Variants in HLCS observed in about 807,000 individuals in gnomAD.
The protein encoded by HLCS is holocarboxylase synthetase, also known as biotin--protein ligase.
A neutral mutation model predicts 75.0 loss-of-function variants in HLCS; 53 were observed. That is an observed-to-expected ratio of 0.71 (90% CI 0.57 to 0.89). The LOEUF (loss-of-function observed/expected upper bound fraction) is 0.89. Among genes scored for constraint, HLCS ranks in the 40% least tolerant of loss-of-function variants. The pLI is 0.00. For synonymous variants in HLCS, 431 were observed against 428.6 expected, an observed-to-expected ratio of 1.01 and a Z score of -0.07; for missense variants, 966 against 1,074.0, an observed-to-expected ratio of 0.90 and a Z score of 1.41.
At position 36,868,274 on chromosome 21, in the gene HLCS, G is replaced by GGAAA. The variant is rs140104266; in HGVS notation, c.1892+28582_1892+28585dup. 2.8e-3 allele frequency among the ~76,000 whole-genome samples: 385 copies of GGAAA among 135,452 alleles called. 4 individuals are homozygous for GGAAA. Among genetic ancestry groups the GGAAA allele is most frequent in the Middle Eastern group, 7.1e-3 (2 of 282 alleles). The allele number at this position is 135,452 out of a possible 152,430, so 88.9% of individuals were successfully genotyped here. A position where few individuals can be genotyped will look rare whatever the true frequency, so the allele number is the denominator to read the frequency against. ...AAGAAAGAGAGAAGGAAGGAAGGAA[G>GGAAA]GAAAGAAAGAAAGAAAGAAAAAGAA... On this transcript the variant is annotated intron_variant, in intron 6 of 10. Coordinates refer to ENST00000674895, the MANE Select transcript of HLCS (RefSeq NM_001352514.2).
intron 6 of HLCS, among the ~76,000 whole-genome samples, chr21:36,829,196 T>C (rs1227745580): frequency 2.0e-5 from 3 of 152,238 alleles, no homozygotes; most frequent in Admixed American, 2.0e-4. Flanking sequence ...AAACTCCAAA[T>C]AGCGTACTTC....
chr21:36,757,822 C>T (rs1201678365), intron 9 of HLCS, among the ~76,000 whole-genome samples: 1 of 152,210 alleles, frequency 6.6e-6, no homozygotes, highest in Non-Finnish European at 1.5e-5. Context: ...TCATTCAATA[C>T]ATACAGGATC....
intron 6 of HLCS, among the ~76,000 whole-genome samples, chr21:36,767,958 C>T (rs1185701837): frequency 6.6e-6 from 1 of 152,032 alleles, no homozygotes; most frequent in Non-Finnish European, 1.5e-5. Context: ...GCATTACATC[C>T]CCACCAAATG....
intron 6 of HLCS, among the ~76,000 whole-genome samples, chr21:36,829,177 A>T (rs1322102271): frequency 6.6e-6 from 1 of 152,200 alleles, no homozygotes. Flanking sequence ...GTTCTACTGG[A>T]TTCCTGTGAA....
chr21:36,919,166 T>C (rs1038184246), intron 5 of HLCS, among the ~76,000 whole-genome samples: 1 of 152,194 alleles, frequency 6.6e-6, no homozygotes, highest in African/African-American at 2.4e-5. Context: ...GAAATAAGAT[T>C]GGCCATAAAT....
In HLCS at chr21:36,847,653, C is replaced by G. The variant is rs146307305; in HGVS notation, c.1892+49207G>C. ...TCCAAAGAGTTGGGCTATCACTAAGCTAGAAAGAGAAAAACAGCAGAAAGA... is the reference window on the plus strand; with the variant it reads ...TCCAAAGAGTTGGGCTATCACTAAGGTAGAAAGAGAAAAACAGCAGAAAGA... On this transcript the variant is annotated intron_variant, in intron 6 of 10. Coordinates refer to ENST00000674895, the MANE Select transcript of HLCS (RefSeq NM_001352514.2). Among the ~76,000 whole-genome samples the G allele has an allele frequency of 4.0e-3, 602 of 152,264 alleles. 2 individuals carry two copies. The highest frequency in any genetic ancestry group is 0.013 in the African/African-American group (554 of 41,554).
intron 2 of HLCS, among the ~76,000 whole-genome samples, chr21:36,958,541 C>T (rs756669579): frequency 3.3e-4 from 51 of 152,324 alleles, no homozygotes; most frequent in Non-Finnish European, 5.4e-4. Context: ...GTAATCCTAG[C>T]ACTTTGGGAG....
At chr21:36,938,733 G>T in intron 3 of HLCS, 99 bp downstream of exon 3, 1 of 1,232,568 alleles carries the variant, frequency 8.1e-7, no homozygotes, top group Non-Finnish European at 1.2e-6. Context: ...GAACTCCTGG[G>T]CTCCAAGCGA....
intron 6 of HLCS, among the ~76,000 whole-genome samples, chr21:36,793,428 A>G (rs1407757347): frequency 1.3e-5 from 2 of 151,362 alleles, no homozygotes; most frequent in African/African-American, 4.9e-5. Flanking sequence ...CAGCCTCCCA[A>G]GTAGCTGGGA....
At chr21:36,872,944 G>A (rs962521452) in intron 6 of HLCS, among the ~76,000 whole-genome samples, 4 of 151,954 alleles carry the variant, frequency 2.6e-5, no homozygotes, top group East Asian at 1.9e-4. Flanking sequence ...TCCCACCAAC[G>A]ATGTTCAGAA....
At chr21:36,767,324 G>T (rs1250387505) in intron 6 of HLCS, 39 bp from the exon 7 acceptor site, 5 of 1,593,580 alleles carry the variant, frequency 3.1e-6, no homozygotes, top group Non-Finnish European at 4.3e-6. Context: ...GCCAGACATG[G>T]ACACGCCCGC....
chr21:36,948,728 C>CA (rs58685577), intron 2 of HLCS, among the ~76,000 whole-genome samples: 930 of 55,856 alleles, frequency 0.017, 196 homozygotes, highest in Non-Finnish European at 0.022. Context: ...GACCCTGTCT[C>CA]AAAAAAAAAA....
intron 4 of HLCS, among the ~76,000 whole-genome samples, chr21:36,935,341 C>G (rs1688864475): frequency 6.6e-6 from 1 of 152,140 alleles, no homozygotes; most frequent in Non-Finnish European, 1.5e-5. Flanking sequence ...TTTTAAGCAT[C>G]TCTGCTTGAG....
At chr21:36,760,535 G>A (rs147524843) in intron 8 of HLCS, among the ~76,000 whole-genome samples, 71 of 152,100 alleles carry the variant, frequency 4.7e-4, no homozygotes, top group African/African-American at 1.7e-3. Flanking sequence ...GTGCGAACCC[G>A]GGAGGCGGAG....
Position 36,876,147 on chromosome 21 carries a change from G to T in HLCS, c.1892+20713C>A, listed in dbSNP as rs28837399. 6.7e-3 allele frequency among the ~76,000 whole-genome samples: 1,019 copies of T among 152,260 alleles called. 14 individuals carry two copies. The highest frequency in any genetic ancestry group is 0.023 in the African/African-American group (964 of 41,568). On this transcript the variant is annotated intron_variant, in intron 6 of 10. Transcript: ENST00000674895. ...CTTGCTCGTTCACAACCCCTCGCCAGTGTGCGCCTGGCTCACCCGTGGCAG... is the reference window on the plus strand; with the variant it reads ...CTTGCTCGTTCACAACCCCTCGCCATTGTGCGCCTGGCTCACCCGTGGCAG...
chr21:36,878,029 C>T (rs2064053714), intron 6 of HLCS, among the ~76,000 whole-genome samples: 1 of 151,588 alleles, frequency 6.6e-6, no homozygotes. Flanking sequence ...AATCTTTGGT[C>T]TGCAGCAGTT....
intron 6 of HLCS, among the ~76,000 whole-genome samples, chr21:36,878,920 T>G (rs1387003463): frequency 6.6e-6 from 1 of 152,184 alleles, no homozygotes; most frequent in East Asian, 1.9e-4. Flanking sequence ...TTACTCTTTA[T>G]GTCACTCTGT....
At chr21:36,859,660 T>C (rs1023942662) in intron 6 of HLCS, among the ~76,000 whole-genome samples, 4 of 152,270 alleles carry the variant, frequency 2.6e-5, no homozygotes, top group African/African-American at 7.2e-5. Flanking sequence ...GTGACTTTCA[T>C]ACAAGTTGTC....
chr21:36,962,679 G>A (rs2068365769), intron 1 of HLCS, among the ~76,000 whole-genome samples: 1 of 151,220 alleles, frequency 6.6e-6, no homozygotes, highest in Non-Finnish European at 1.5e-5. Context: ...TGTAGTCCCA[G>A]CTACTCAGGA....
Sources: gnomAD v4.1 joint callset for allele counts (sites outside exome capture counted in the v4.1 genomes callset) on GRCh38, gnomAD v4.1.1 for gene constraint, MANE v1.5 for transcripts, NCBI Gene and HGNC (gene_info 2026-07-23, HGNC 2026-07-21) for gene names.